CADM2: variants seen among roughly 807,000 people sequenced by gnomAD.
The protein encoded by CADM2 is immunoglobulin superfamily member 4D.
CADM2 carries 12 observed loss-of-function variants against 49.8 expected under a neutral mutation model. That is an observed-to-expected ratio of 0.24 (90% CI 0.15 to 0.39). The LOEUF (loss-of-function observed/expected upper bound fraction) is 0.39, where lower values mean the gene tolerates loss of function less well. CADM2 is among the 10% of genes least tolerant of loss of function. The probability of loss-of-function intolerance (pLI) is 1.00; values close to 1 mark genes in which losing one functional copy is unlikely to be tolerated. For missense variants in CADM2, 378 were observed against 492.3 expected, an observed-to-expected ratio of 0.77 and a Z score of 2.20; for synonymous variants, 214 against 175.4, an observed-to-expected ratio of 1.22 and a Z score of -1.74.
At chr3:85,177,803 A>G (rs1239277232) in intron 1 of CADM2, among the ~76,000 whole-genome samples, 4 of 151,950 alleles carry the variant, frequency 2.6e-5, no homozygotes, top group African/African-American at 9.7e-5. Context: ...ATCATGCCAT[A>G]TCTTCTAAGA....
At chr3:85,964,181 G>C (rs2108622867) in intron 8 of CADM2, among the ~76,000 whole-genome samples, 1 of 151,976 alleles carries the variant, frequency 6.6e-6, no homozygotes, top group Non-Finnish European at 1.5e-5. Flanking sequence ...GATCTATAAT[G>C]AATGCTGTAT....
intron 1 of CADM2, among the ~76,000 whole-genome samples, chr3:85,698,902 T>A (rs2066654891): frequency 6.6e-6 from 1 of 152,056 alleles, no homozygotes; most frequent in South Asian, 2.1e-4. Context: ...AACTCAAAGG[T>A]CCACAGTCCA....
intron 1 of CADM2, among the ~76,000 whole-genome samples, chr3:85,213,478 C>T (rs374836663): frequency 3.3e-5 from 5 of 151,888 alleles, no homozygotes; most frequent in South Asian, 2.1e-4. Flanking sequence ...TTCTTTCTTT[C>T]GTTGCTTTTA....
chr3:85,076,313 G>GTA (rs2036940717), intron 1 of CADM2, among the ~76,000 whole-genome samples: 2 of 150,882 alleles, frequency 1.3e-5, no homozygotes, highest in Admixed American at 1.3e-4. Flanking sequence ...TTGTGTGTGT[G>GTA]TGTGTGTGTG....
chr3:85,200,297 C>T (rs1238643342), intron 1 of CADM2, among the ~76,000 whole-genome samples: 1 of 152,040 alleles, frequency 6.6e-6, no homozygotes, highest in African/African-American at 2.4e-5. Flanking sequence ...CCTTGACTTT[C>T]CTTGGCCATT....
At chr3:85,271,332 A>T (rs2106845110) in intron 1 of CADM2, among the ~76,000 whole-genome samples, 1 of 151,486 alleles carries the variant, frequency 6.6e-6, no homozygotes, top group East Asian at 1.9e-4. Context: ...AGGACAAAGT[A>T]AATTTTTATG....
At chr3:85,474,746 G>T (rs150645834) in intron 1 of CADM2, among the ~76,000 whole-genome samples, 30 of 151,970 alleles carry the variant, frequency 2.0e-4, no homozygotes, top group African/African-American at 7.0e-4. Context: ...CAAATTTAAT[G>T]ACTGGGTCTG....
chr3:85,305,555 C>A (rs1012930774), intron 1 of CADM2, among the ~76,000 whole-genome samples: 15 of 151,528 alleles, frequency 9.9e-5, no homozygotes, highest in African/African-American at 3.6e-4. Context: ...AAATTGGTAG[C>A]CAATTGAACG....
chr3:85,173,019 G>C (rs1222640683), intron 1 of CADM2, among the ~76,000 whole-genome samples: 1 of 144,508 alleles, frequency 6.9e-6, no homozygotes, highest in Non-Finnish European at 1.5e-5. Flanking sequence ...TTCTGAGATG[G>C]AGTCTTGCTC....
intron 6 of CADM2, among the ~76,000 whole-genome samples, chr3:85,926,422 A>G (rs1303760666): frequency 1.3e-5 from 2 of 152,128 alleles, no homozygotes; most frequent in African/African-American, 4.8e-5. Flanking sequence ...TACTCAGATG[A>G]GAACCACTAT....
intron 1 of CADM2, among the ~76,000 whole-genome samples, chr3:85,303,573 AC>A (rs1345345702): frequency 1.3e-5 from 2 of 151,936 alleles, no homozygotes; most frequent in Non-Finnish European, 2.9e-5. Flanking sequence ...TGAATAAGAA[AC>A]CAATGTAAAA....
At chr3:85,833,580 AATTT>A (rs2074277052) in intron 3 of CADM2, among the ~76,000 whole-genome samples, 1 of 151,376 alleles carries the variant, frequency 6.6e-6, no homozygotes, top group African/African-American at 2.4e-5. Context: ...TGTTTCCAGA[AATTT>A]ATTTATTTCC....
chr3:85,746,871 C>A (rs946021942), intron 2 of CADM2, among the ~76,000 whole-genome samples: 1 of 152,030 alleles, frequency 6.6e-6, no homozygotes, highest in Admixed American at 6.6e-5. Flanking sequence ...CTTTTCAAAT[C>A]TTTTGTTAAG....
intron 1 of CADM2, among the ~76,000 whole-genome samples, chr3:85,094,818 C>G (rs182085832): frequency 6.6e-6 from 1 of 152,104 alleles, no homozygotes; most frequent in Non-Finnish European, 1.5e-5. Flanking sequence ...GCCATATTAA[C>G]TAATTTATCA....
In CADM2 at chr3:85,271,699, A is replaced by G. The variant is rs114617751; in HGVS notation, c.61+312031A>G. Among the ~76,000 whole-genome samples, 749 of 151,102 alleles carry G rather than the reference A, an allele frequency of 5.0e-3. 7 individuals carry two copies. The highest frequency in any genetic ancestry group is 0.018 in the African/African-American group (725 of 41,358). ...TCATTCCCAGACTTTAGAGCTTTAT[A>G]TATCTCTTAAATTAAAAAAAAATAA... On this transcript the variant is annotated intron_variant, in intron 1 of 9. Coordinates refer to ENST00000383699, the MANE Select transcript of CADM2 (RefSeq NM_001167675.2).
chr3:85,470,536 A>G (rs938979539), intron 1 of CADM2, among the ~76,000 whole-genome samples: 2 of 152,228 alleles, frequency 1.3e-5, no homozygotes, highest in Non-Finnish European at 2.9e-5. Flanking sequence ...AATGAAAACT[A>G]TATGAATGGG....
intron 8 of CADM2, among the ~76,000 whole-genome samples, chr3:86,034,248 A>AACACAC (rs1734900441): frequency 1.3e-5 from 2 of 151,910 alleles, no homozygotes; most frequent in Admixed American, 1.3e-4. Flanking sequence ...ATGGACTGAG[A>AACACAC]ATGTGATATT....
At chr3:84,985,174 G>A (rs973253626) in intron 1 of CADM2, among the ~76,000 whole-genome samples, 1 of 151,896 alleles carries the variant, frequency 6.6e-6, no homozygotes, top group Non-Finnish European at 1.5e-5. Context: ...ATTTTTACAG[G>A]GCTATTTATA....
At chr3:85,510,232 G>C (rs12637977) in intron 1 of CADM2, among the ~76,000 whole-genome samples, 2,045 of 152,026 alleles carry the variant, frequency 0.013, 115 homozygotes, top group South Asian at 0.1. Context: ...TCCTGCTTTA[G>C]AATTCTTCAG....
Sources: allele counts gnomAD v4.1 joint callset (sites outside exome capture counted in the v4.1 genomes callset), GRCh38; gene constraint gnomAD v4.1.1; transcripts MANE v1.5; gene names NCBI Gene and HGNC (gene_info 2026-07-23, HGNC 2026-07-21).